RPS6KC1: variants seen among roughly 807,000 people sequenced by gnomAD.
The protein encoded by RPS6KC1 is inactive ribosomal protein S6 kinase delta-1.
In RPS6KC1, 54 loss-of-function variants were observed where a neutral mutation model predicts 103.8. The ratio of observed to expected loss-of-function variants is 0.52; its 90% confidence interval spans 0.42 to 0.65. RPS6KC1 has a LOEUF of 0.65. Ranked by LOEUF, RPS6KC1 falls within the 30% of genes least tolerant of loss-of-function variation. The probability of loss-of-function intolerance (pLI) is 0.00; values close to 1 mark genes in which losing one functional copy is unlikely to be tolerated. For synonymous variants in RPS6KC1, 439 were observed against 438.7 expected (o/e 1.00, Z -0.01); for missense variants, 1,151 against 1,253.8 (o/e 0.92, Z 1.24).
At chr1:213,854,510 C>CCCTTTCTT in the RPS6KC1 span, among the ~76,000 whole-genome samples, 1 of 121,010 alleles carries the variant, frequency 8.3e-6, no homozygotes, top group South Asian at 2.8e-4. Flanking sequence ...CTCTTTCTTT[C>CCCTTTCTT]TCTTTCTTTC....
rs755457477 is a variant in RPS6KC1 at position 213,241,187 on chromosome 1, A to G, written c.1711A>G (p.Lys571Glu). ...PSTQLRAHEL[K>E]FFPNDDPEAV... ...CACACAGCTGAGAGCTCACGAGCTGAAGTTCTTCCCCAACGATGACCCAGA... is the reference window on the plus strand; with the variant it reads ...CACACAGCTGAGAGCTCACGAGCTGGAGTTCTTCCCCAACGATGACCCAGA... Residue 571 changes from lysine (K) to glutamate (E), a missense_variant, in exon 11 of 15, where the codon AAG becomes GAG. Physicochemically the swap from Lys to Glu is moderately conservative, Grantham distance 56. Coordinates refer to ENST00000366960, the MANE Select transcript of RPS6KC1 (RefSeq NM_012424.6). 2 of 1,613,886 alleles carry G rather than the reference A, an allele frequency of 1.2e-6. No homozygotes were observed. Among genetic ancestry groups the G allele is most frequent in the Admixed American group, 3.3e-5 (2 of 59,952 alleles).
At chr1:213,635,423 C>T in the RPS6KC1 span, among the ~76,000 whole-genome samples, 1 of 152,266 alleles carries the variant, frequency 6.6e-6, no homozygotes, top group Admixed American at 6.5e-5. Context: ...GCTTATCCAC[C>T]ACGATCAAGT....
At chr1:213,339,277 A>AAAAT in the RPS6KC1 span, among the ~76,000 whole-genome samples, 4,723 of 152,142 alleles carry the variant, frequency 0.031, 177 homozygotes, top group East Asian at 0.15. Flanking sequence ...AAAAAATAAG[A>AAAAT]AAATAAATAA....
the RPS6KC1 span, among the ~76,000 whole-genome samples, chr1:213,296,487 G>A: frequency 6.6e-6 from 1 of 152,210 alleles, no homozygotes; most frequent in South Asian, 2.1e-4. Context: ...ATCCTCATCA[G>A]AGTGGCTAAG....
At chr1:213,158,353 C>G (rs1225171279) in intron 6 of RPS6KC1, among the ~76,000 whole-genome samples, 15 of 152,236 alleles carry the variant, frequency 9.9e-5, no homozygotes, top group Non-Finnish European at 2.1e-4. Flanking sequence ...ATTCCAGCAC[C>G]CTTGAAACTA....
chr1:213,288,331 C>G, the RPS6KC1 span, among the ~76,000 whole-genome samples: 1 of 152,192 alleles, frequency 6.6e-6, no homozygotes, highest in African/African-American at 2.4e-5. Flanking sequence ...TTGAAGCAAC[C>G]AGCTCACCTT....
At chr1:213,610,255 T>C in the RPS6KC1 span, among the ~76,000 whole-genome samples, 1 of 152,190 alleles carries the variant, frequency 6.6e-6, no homozygotes, top group Non-Finnish European at 1.5e-5. Context: ...TGTCTACTTA[T>C]TGGAAGCCAT....
chr1:213,383,857 G>A, the RPS6KC1 span, among the ~76,000 whole-genome samples: 2 of 152,188 alleles, frequency 1.3e-5, no homozygotes, highest in Middle Eastern at 3.4e-3. Context: ...GAGTCAACTG[G>A]CACCTTGATC....
intron 6 of RPS6KC1, among the ~76,000 whole-genome samples, chr1:213,157,668 G>C (rs2090049102): frequency 6.6e-6 from 1 of 152,188 alleles, no homozygotes; most frequent in Admixed American, 6.5e-5. Flanking sequence ...TGCTGTTTTT[G>C]TATGGAGTAT....
At chr1:213,332,532 G>T in the RPS6KC1 span, among the ~76,000 whole-genome samples, 1 of 152,226 alleles carries the variant, frequency 6.6e-6, no homozygotes, top group Non-Finnish European at 1.5e-5. Flanking sequence ...CAGTGCCCAG[G>T]AATTTGGCCT....
Position 213,117,420 on chromosome 1 carries a change from T to G in RPS6KC1, c.472+10T>G. On this transcript the variant is annotated intron_variant, in intron 5 of 14. Coordinates refer to ENST00000366960, the MANE Select transcript of RPS6KC1 (RefSeq NM_012424.6). ...GAGTGTAGTACGGAAGGTAAGAGAT[T>G]TTAATTTTTTTGCATTTCAAAGGTT... 6 of 1,541,096 alleles carry G rather than the reference T, an allele frequency of 3.9e-6. No individual in the cohort carries two copies. Among genetic ancestry groups the G allele is most frequent in the Non-Finnish European group, 4.5e-6 (5 of 1,121,006 alleles).
At chr1:213,423,073 T>C in the RPS6KC1 span, among the ~76,000 whole-genome samples, 1 of 152,250 alleles carries the variant, frequency 6.6e-6, no homozygotes, top group Non-Finnish European at 1.5e-5. Flanking sequence ...ATGTGCCTAC[T>C]TCATGTGTAT....
chr1:213,819,344 A>G, the RPS6KC1 span: 1 of 152,344 alleles, frequency 6.6e-6, no homozygotes, highest in South Asian at 2.1e-4. Context: ...CAAAAGCCAG[A>G]GATCGTGAAT....
chr1:213,182,245 A>G (rs1343359580), intron 8 of RPS6KC1, among the ~76,000 whole-genome samples: 1 of 152,194 alleles, frequency 6.6e-6, no homozygotes, highest in African/African-American at 2.4e-5. Flanking sequence ...TAATTCCAGC[A>G]CTTTGGGAAA....
At chr1:213,608,332 A>C in the RPS6KC1 span, among the ~76,000 whole-genome samples, 2 of 152,184 alleles carry the variant, frequency 1.3e-5, no homozygotes, top group East Asian at 3.9e-4. Context: ...CTCTTTTAAA[A>C]GCACCCGTGT....
the RPS6KC1 span, among the ~76,000 whole-genome samples, chr1:213,499,588 G>A: frequency 7.5e-3 from 1,146 of 152,268 alleles, 18 homozygotes; most frequent in African/African-American, 0.027. Context: ...CTCACAGGCG[G>A]TGGAGCTCAG....
At chr1:213,064,912 T>A (rs1455295509) in intron 1 of RPS6KC1, among the ~76,000 whole-genome samples, 1 of 150,676 alleles carries the variant, frequency 6.6e-6, no homozygotes, top group East Asian at 1.9e-4. Context: ...CCTGACCTTG[T>A]GATCCACCCG....
chr1:213,180,174 T>C (rs1368563889), intron 8 of RPS6KC1, among the ~76,000 whole-genome samples: 1 of 151,940 alleles, frequency 6.6e-6, no homozygotes, highest in Non-Finnish European at 1.5e-5. Flanking sequence ...AAAAAAAATG[T>C]GTAGTCTTCA....
chr1:213,232,347 T>C, intron 10 of RPS6KC1, 92 bp downstream of exon 10: 3 of 1,498,208 alleles, frequency 2.0e-6, no homozygotes, highest in Non-Finnish European at 2.8e-6. Context: ...AGATAGAATA[T>C]ATGAAACACG....
Sources: gnomAD v4.1 joint callset for allele counts (sites outside exome capture counted in the v4.1 genomes callset) on GRCh38, gnomAD v4.1.1 for gene constraint, MANE v1.5 for transcripts, NCBI Gene and HGNC (gene_info 2026-07-23, HGNC 2026-07-21) for gene names.